Variants in C4orf51 observed in about 807,000 individuals in gnomAD.
C4orf51 encodes uncharacterized protein C4orf51.
C4orf51 carries 25 observed loss-of-function variants against 25.2 expected under a neutral mutation model. The ratio of observed to expected loss-of-function variants is 0.99; its 90% CI spans 0.72 to 1.39. The LOEUF (loss-of-function observed/expected upper bound fraction) is 1.39, where lower values mean the gene tolerates loss of function less well. C4orf51 is among the 40% of genes most tolerant of loss of function. C4orf51 has a pLI of 0.00. For missense variants in C4orf51, 252 were observed against 239.6 expected, an observed-to-expected ratio of 1.05 and a Z score of -0.34; for synonymous variants, 100 against 84.5, an observed-to-expected ratio of 1.18 and a Z score of -1.01.
chr4:145,702,525 A>G (rs1224383206), intron 2 of C4orf51, among the ~76,000 whole-genome samples: 4 of 152,088 alleles, frequency 2.6e-5, no homozygotes, highest in Non-Finnish European at 4.4e-5. Context: ...TCATACTCCT[A>G]TTCACCGTTC....
At chr4:145,725,594 A>G (rs954313660) in intron 2 of C4orf51, among the ~76,000 whole-genome samples, 7 of 110,070 alleles carry the variant, frequency 6.4e-5, no homozygotes, top group Non-Finnish European at 1.2e-4. Flanking sequence ...AACACTATTC[A>G]GCAATTAAAA....
chr4:145,741,384 G>A (rs959366203), intron 1 of C4orf51, among the ~76,000 whole-genome samples: 2 of 152,052 alleles, frequency 1.3e-5, no homozygotes, highest in South Asian at 2.1e-4. Context: ...TTTAGGAGAC[G>A]AGGTACTAAA....
rs771036713 is a variant in C4orf51, at chr4:145,765,512, A to G, written n.167-5476A>G. The G allele has an allele frequency of 1.9e-6, 3 of 1,576,732 alleles. No homozygotes were observed. Among genetic ancestry groups the G allele is most frequent in the African/African-American group, 1.4e-5 (1 of 74,004 alleles). On this transcript the variant is annotated intron_variant and non_coding_transcript_variant, in intron 1 of 1. Coordinates refer to the C4orf51 transcript ENST00000510096. The surrounding 1 kb of genome is among the most constrained non-coding windows in gnomAD (Gnocchi z 4.7). ...CAAGAATGGGTCATCCTGGGTGCGG[A>G]GGGTTGAGCAGGCTCACACCCACCT... is the stretch of plus-strand genomic sequence containing the variant.
intron 2 of C4orf51, among the ~76,000 whole-genome samples, chr4:145,710,499 G>C (rs936193500): frequency 1.6e-4 from 24 of 152,114 alleles, no homozygotes; most frequent in Admixed American, 8.5e-4. Context: ...CACAGTGTGT[G>C]TACTGGATTG....
chr4:145,734,506 G>A (rs1355059741), downstream of C4orf51, among the ~76,000 whole-genome samples: 1 of 152,134 alleles, frequency 6.6e-6, no homozygotes, highest in Non-Finnish European at 1.5e-5. Flanking sequence ...GGCACATCCT[G>A]AATCTCCCCA....
intron 2 of C4orf51, among the ~76,000 whole-genome samples, chr4:145,697,230 G>T (rs1160200606): frequency 6.6e-6 from 1 of 151,692 alleles, no homozygotes; most frequent in Non-Finnish European, 1.5e-5. Context: ...CTCCCAAGTA[G>T]CTGGGATTAC....
intron 2 of C4orf51, among the ~76,000 whole-genome samples, chr4:145,724,880 C>CAAAAAAAAAAAA (rs1222983724): frequency 5.4e-4 from 37 of 68,188 alleles, no homozygotes; most frequent in African/African-American, 6.8e-4. Flanking sequence ...AAGACTGTCT[C>CAAAAAAAAAAAA]AAAAAAAAAA....
chr4:145,766,205 CCAGGGTCCATGCTCTT>C (rs1428925802), intron 1 of C4orf51, among the ~76,000 whole-genome samples: 2 of 152,154 alleles, frequency 1.3e-5, no homozygotes, highest in Non-Finnish European at 2.9e-5. Context: ...TCGTCTGACT[CCAGGGTCCATGCTCTT>C]CATCAGTACT....
At chr4:145,695,356 GA>G (rs1403210922) in intron 1 of C4orf51, among the ~76,000 whole-genome samples, 1 of 151,494 alleles carries the variant, frequency 6.6e-6, no homozygotes, top group Admixed American at 6.6e-5. Flanking sequence ...AGCTTTTTTT[GA>G]TATGCTTTTT....
At chr4:145,776,923 G>A in the C4orf51 span, among the ~76,000 whole-genome samples, 1 of 152,162 alleles carries the variant, frequency 6.6e-6, no homozygotes, top group Non-Finnish European at 1.5e-5. Context: ...GAATTCGTTT[G>A]ATTAATCAAG....
chr4:145,789,908 T>C, the C4orf51 span, among the ~76,000 whole-genome samples: 1 of 152,268 alleles, frequency 6.6e-6, no homozygotes, highest in East Asian at 1.9e-4. Context: ...ATTTGGAGGC[T>C]CTGCCTCTTT....
chr4:145,738,921 A>G (rs1176439144), intron 1 of C4orf51, among the ~76,000 whole-genome samples: 1 of 152,208 alleles, frequency 6.6e-6, no homozygotes, highest in Non-Finnish European at 1.5e-5. Context: ...GATTACTGGC[A>G]TGAGCCACTG....
intron 1 of C4orf51, among the ~76,000 whole-genome samples, chr4:145,685,390 TAAAG>T (rs1276404690): frequency 1.3e-5 from 2 of 152,122 alleles, no homozygotes; most frequent in Admixed American, 1.3e-4. Flanking sequence ...GACAGCGAGT[TAAAG>T]AAGGAAGGGG....
intron 1 of C4orf51, among the ~76,000 whole-genome samples, 196 bp downstream of exon 1, chr4:145,680,632 A>G (rs983448202): frequency 6.6e-6 from 1 of 152,200 alleles, no homozygotes; most frequent in Non-Finnish European, 1.5e-5. Context: ...TCTATTTAGT[A>G]TTCCTAAAAT....
downstream of C4orf51, among the ~76,000 whole-genome samples, chr4:145,756,543 G>T (rs1047029259): frequency 3.9e-5 from 6 of 152,124 alleles, no homozygotes; most frequent in African/African-American, 1.4e-4. Flanking sequence ...CTAAACTGAT[G>T]ATTATTTTCT....
the C4orf51 span, among the ~76,000 whole-genome samples, chr4:145,776,824 CATAA>C: frequency 6.6e-6 from 1 of 152,230 alleles, no homozygotes; most frequent in East Asian, 1.9e-4. Context: ...TTTCATTTTA[CATAA>C]ATAAAGAATT....
chr4:145,727,913 A>ATATAAAATATATTATATATATACAT (rs1732163963), intron 3 of C4orf51, among the ~76,000 whole-genome samples: 2 of 109,364 alleles, frequency 1.8e-5, no homozygotes, highest in African/African-American at 4.3e-5. Context: ...ATATATATAT[A>ATATAAAATATATTATATATATACAT]TATATATATA....
chr4:145,688,265 T>C (rs1294525392), intron 1 of C4orf51, among the ~76,000 whole-genome samples: 1 of 133,462 alleles, frequency 7.5e-6, no homozygotes. Flanking sequence ...TGCAAAGAAA[T>C]GTAATCAAAG....
chr4:145,759,253 C>A (rs563379884), downstream of C4orf51: 1 of 152,300 alleles, frequency 6.6e-6, no homozygotes, highest in Admixed American at 6.5e-5. Context: ...AAAATACAAG[C>A]AATGAACATA....
Sources: gnomAD v4.1 joint callset for allele counts (sites outside exome capture counted in the v4.1 genomes callset) on GRCh38, gnomAD v4.1.1 for gene constraint, Gnocchi (gnomAD v3.1) non-coding constraint, MANE v1.5 for transcripts, NCBI Gene and HGNC (gene_info 2026-07-23, HGNC 2026-07-21) for gene names.